Variants in SNAP47 observed in about 807,000 individuals in gnomAD.
SNAP47 encodes the protein synaptosome associated protein 47.
Under a neutral mutation model 31.4 loss-of-function variants are expected in SNAP47, and 20 were observed. The observed-to-expected ratio is 0.64, with a 90% CI of 0.45 to 0.93. SNAP47 has a LOEUF of 0.93. Among genes scored for constraint, SNAP47 ranks in the 40% least tolerant of loss-of-function variants. The probability of loss-of-function intolerance (pLI) is 0.00; values close to 1 mark genes in which losing one functional copy is unlikely to be tolerated. For missense variants in SNAP47, 492 were observed against 528.5 expected (o/e 0.93, Z 0.68); for synonymous variants, 194 against 213.4 (o/e 0.91, Z 0.79).
At chr1:227,778,048 C>G (rs750470902) in intron 4 of SNAP47, among the ~76,000 whole-genome samples, 7 of 152,348 alleles carry the variant, frequency 4.6e-5, no homozygotes, top group Non-Finnish European at 8.8e-5. Context: ...AAACAGAAGA[C>G]AAAGTTGTGT....
In SNAP47 at chr1:227,780,702, A is replaced by G. The variant is rs574827310; in HGVS notation, c.*29A>G. On this transcript the variant is annotated 3_prime_UTR_variant, in exon 5 of 5. Transcript: ENST00000617596. ...CAGAACGTCCCTGCATTCCTGTCTC[A>G]CCCTGCACATCCCGCTGAGATGGAG... 29 of 1,612,900 alleles carry G rather than the reference A, an allele frequency of 1.8e-5. No homozygotes were observed. The South Asian group carries it at 3.0e-4, about 16-fold the overall frequency.
intron 2 of SNAP47, among the ~76,000 whole-genome samples, chr1:227,751,699 C>G (rs1223751424): frequency 1.4e-5 from 2 of 139,828 alleles, no homozygotes; most frequent in Non-Finnish European, 3.1e-5. Context: ...AAAAGCAGGT[C>G]AGAAAAACAA....
At position 227,763,971 on chromosome 1, in the gene SNAP47, A is replaced by G. The variant is rs1409459446; in HGVS notation, c.989-2988A>G. 6.6e-6 allele frequency among the ~76,000 whole-genome samples: 1 copy of G among 152,160 alleles called. No individual in the cohort carries two copies. Among genetic ancestry groups the G allele is most frequent in the Non-Finnish European group, 1.5e-5 (1 of 68,034 alleles). ...TGTGGCCTCAGGGCACTCTCTTTCC[A>G]GATGACCAAGACATTCTGCAGCCAG... On this transcript the variant is annotated intron_variant, in intron 3 of 4. Coordinates refer to ENST00000617596, the MANE Select transcript of SNAP47 (RefSeq NM_053052.4). The surrounding 1 kb of genome is among the most constrained non-coding windows in gnomAD (Gnocchi z 4.2).
At chr1:227,735,177 C>G, upstream of SNAP47, 1 of 1,580,762 alleles carries the variant, frequency 6.3e-7, no homozygotes, top group East Asian at 2.3e-5. Context: ...GGCTCCGAGA[C>G]GAAGGCTACC....
At chr1:227,735,633 C>A (rs1283818239) in intron 1 of SNAP47, 134 bp downstream of exon 1, 1 of 1,318,796 alleles carries the variant, frequency 7.6e-7, no homozygotes, top group East Asian at 3.1e-5. Flanking sequence ...GGGGGGTATG[C>A]GGGCTGCGCT....
rs571377824 is a variant in SNAP47 at position 227,766,823 on chromosome 1, G to A, written c.989-136G>A. On this transcript the variant is annotated intron_variant, in intron 3 of 4. Transcript: ENST00000617596. ...CGGGTGGCAAGGCAAGGCTCACAGA[G>A]GTCGAGAGAGGAAGCAGTCCTGCGT... 6.2e-6 allele frequency: 8 copies of A among 1,281,166 alleles called. No individual in the cohort carries two copies. The East Asian group carries it at 1.7e-4, about 27-fold the overall frequency. 79.4% of individuals were successfully genotyped at this position (1,281,166 alleles called of 1,614,324 possible). A position where few individuals can be genotyped will look rare whatever the true frequency, so the allele number is the denominator to read the frequency against.
chr1:227,744,962 G>T (rs917121238), intron 1 of SNAP47, among the ~76,000 whole-genome samples: 10 of 152,234 alleles, frequency 6.6e-5, no homozygotes, highest in Admixed American at 2.0e-4. Context: ...GCCTTGGGTG[G>T]AGCTGGTTGC....
chr1:227,734,607 G>C (rs1426261350), upstream of SNAP47: 1 of 1,604,606 alleles, frequency 6.2e-7, no homozygotes, highest in African/African-American at 1.3e-5. Context: ...GGTTCACGCA[G>C]CGCTAGGGAA....
At chr1:227,745,827 T>C (rs184027131) in intron 1 of SNAP47, 2 of 152,334 alleles carry the variant, frequency 1.3e-5, no homozygotes, top group African/African-American at 4.8e-5. Flanking sequence ...ATCCTCTCTC[T>C]GGCCAAGAGG....
At chr1:227,737,766 G>A (rs1463587569) in intron 1 of SNAP47, among the ~76,000 whole-genome samples, 1 of 152,154 alleles carries the variant, frequency 6.6e-6, no homozygotes, top group Non-Finnish European at 1.5e-5. Context: ...CTGAGTCCAG[G>A]TAAAGGTGGG....
intron 4 of SNAP47, among the ~76,000 whole-genome samples, chr1:227,774,385 A>G (rs1462786437): frequency 6.7e-6 from 1 of 150,258 alleles, no homozygotes; most frequent in Non-Finnish European, 1.5e-5. Context: ...TGAAAGAGCA[A>G]TGCCGGAGGT....
rs190082531 is a variant in SNAP47, at chr1:227,741,538, G to A, written c.-46+6039G>A. On this transcript the variant is annotated intron_variant, in intron 1 of 4. Coordinates refer to ENST00000617596, the MANE Select transcript of SNAP47 (RefSeq NM_053052.4). This position sits in a 1 kb window ranked among gnomAD's most constrained non-coding sequence, Gnocchi z 4.2. ...CATTCCACCCCAGCAGAGCTGTGTAGTGGTGACGGAGACCATGCGTGGTCC... is the reference window on the plus strand; with the variant it reads ...CATTCCACCCCAGCAGAGCTGTGTAATGGTGACGGAGACCATGCGTGGTCC... 1.8e-3 allele frequency among the ~76,000 whole-genome samples: 269 copies of A among 152,346 alleles called. No individual in the cohort carries two copies. The highest frequency in any genetic ancestry group is 6.2e-3 in the African/African-American group (257 of 41,576).
chr1:227,759,309 G>A lies in SNAP47; in HGVS notation c.812G>A (p.Arg271Gln), dbSNP rs371651453. The A allele has an allele frequency of 1.8e-5, 29 of 1,614,102 alleles. No individual in the cohort carries two copies. The highest frequency in any genetic ancestry group is 1.6e-4 in the Middle Eastern group (1 of 6,084). The change falls in exon 3 of 5, where the codon CGG becomes CAG. Residue 271 changes from arginine to glutamine, a missense_variant. Arg to Gln is a conservative substitution (Grantham distance 43, BLOSUM62 1). Coordinates refer to ENST00000617596, the MANE Select transcript of SNAP47 (RefSeq NM_053052.4). Reference protein sequence around the residue: ...HSPYEISIRQRFIGKPDMAYR... With the variant: ...HSPYEISIRQQFIGKPDMAYR... ...CCTTACGAAATTAGCATCCGCCAGC[G>A]GTTTATTGGAAAGCCAGACATGGCC... is the stretch of plus-strand genomic sequence containing the variant.
In SNAP47 at chr1:227,762,010, C is replaced by T. The variant is rs1352373081; in HGVS notation, c.988+2525C>T. Reference sequence around the variant, plus strand: ...CCCTCCCTGCTCGGCTAGGAGGGCCCCCTTAGTTCAGGTCACCTGAGTGTG... The same window carrying T: ...CCCTCCCTGCTCGGCTAGGAGGGCCTCCTTAGTTCAGGTCACCTGAGTGTG... On this transcript the variant is annotated intron_variant, in intron 3 of 4. Coordinates refer to ENST00000617596, the MANE Select transcript of SNAP47 (RefSeq NM_053052.4). The surrounding 1 kb of genome is among the most constrained non-coding windows in gnomAD (Gnocchi z 4.2). 6.6e-6 allele frequency among the ~76,000 whole-genome samples: 1 copy of T among 152,184 alleles called. No homozygotes were observed. The highest frequency in any genetic ancestry group is 2.4e-5 in the African/African-American group (1 of 41,448).
chr1:227,768,279 T>C (rs1663567050), intron 4 of SNAP47: 2 of 985,466 alleles, frequency 2.0e-6, no homozygotes, highest in South Asian at 9.4e-5. Context: ...AGCTGTCTGT[T>C]GGGCTGAGAC....
chr1:227,739,783 G>A (rs1661468675), intron 1 of SNAP47, among the ~76,000 whole-genome samples: 1 of 152,196 alleles, frequency 6.6e-6, no homozygotes, highest in Non-Finnish European at 1.5e-5. Flanking sequence ...GTGTGGGTTG[G>A]CTGCAGACAC....
intron 4 of SNAP47, among the ~76,000 whole-genome samples, chr1:227,768,521 A>G (rs2102980736): frequency 6.6e-6 from 1 of 152,116 alleles, no homozygotes; most frequent in South Asian, 2.1e-4. Flanking sequence ...GTAGGCATAA[A>G]CTCCTTTGAG....
chr1:227,780,438 G>T (rs1463955863), intron 4 of SNAP47, 89 bp from the exon 5 acceptor site: 3 of 1,564,840 alleles, frequency 1.9e-6, no homozygotes, highest in Non-Finnish European at 2.6e-6. Context: ...TAACGCAAAG[G>T]CTCTTGGGTG....
At chr1:227,776,834 G>T (rs1664189596) in intron 4 of SNAP47, 1 of 985,290 alleles carries the variant, frequency 1.0e-6, no homozygotes, top group African/African-American at 1.7e-5. Context: ...GCAGGCCAAG[G>T]GTCTCAACAG....
Sources: allele counts gnomAD v4.1 joint callset (sites outside exome capture counted in the v4.1 genomes callset), GRCh38; gene constraint gnomAD v4.1.1; non-coding constraint Gnocchi (gnomAD v3.1); transcripts MANE v1.5; gene names NCBI Gene and HGNC (gene_info 2026-07-23, HGNC 2026-07-21).